Variants in PCDH15 observed in about 807,000 individuals in gnomAD.
The protein encoded by PCDH15 is protocadherin-15.
PCDH15 carries 129 observed loss-of-function variants against 178.5 expected under a neutral mutation model. The ratio of observed to expected loss-of-function variants is 0.72; its 90% confidence interval spans 0.63 to 0.84. The LOEUF (loss-of-function observed/expected upper bound fraction) is 0.84, where lower values mean the gene tolerates loss of function less well. Among genes scored for constraint, PCDH15 ranks in the 40% least tolerant of loss-of-function variants. PCDH15 has a pLI of 0.00. For synonymous variants in PCDH15, 800 were observed against 732.0 expected (o/e 1.09, Z -1.50); for missense variants, 2,230 against 2,099.9 (o/e 1.06, Z -1.21).
chr10:54,683,999 G>T (rs987483175), intron 1 of PCDH15, among the ~76,000 whole-genome samples: 1 of 151,924 alleles, frequency 6.6e-6, no homozygotes, highest in Admixed American at 6.6e-5. Context: ...ATACTAAGAA[G>T]ATTATCATTT....
intron 2 of PCDH15, among the ~76,000 whole-genome samples, chr10:55,391,627 C>T (rs185048037): frequency 7.9e-5 from 12 of 151,970 alleles, no homozygotes; most frequent in Non-Finnish European, 1.3e-4. Flanking sequence ...GTGGGGATTA[C>T]AGGCATGCAC....
intron 1 of PCDH15, among the ~76,000 whole-genome samples, chr10:54,736,017 TAA>T (rs548670191): frequency 6.9e-6 from 1 of 145,376 alleles, no homozygotes; most frequent in East Asian, 2.0e-4. Context: ...AAAGTATAAT[TAA>T]AAAAAAAAAG....
rs57411772 is a variant in PCDH15 at position 54,757,276 on chromosome 10, CTTTTTTTTTTT to C, written c.-29+43638_-29+43648del. 8.8e-5 allele frequency among the ~76,000 whole-genome samples: 3 copies of C among 34,180 alleles called. 1 individual carries two copies. In the South Asian group the frequency reaches 3.1e-3, roughly 36 times the overall value. 22.4% of individuals were successfully genotyped at this position (34,180 alleles called of 152,430 possible). A position where few individuals can be genotyped will look rare whatever the true frequency, so the allele number is the denominator to read the frequency against. On this transcript the variant is annotated intron_variant, in intron 1 of 37. Transcript: ENST00000644397. ...GTTTTTGGCTTGCTCAGAATTCTACCTTTTTTTTTTTTTTTTTTTTTTTTGAGACGGAGTTT... is the reference window on the plus strand; with the variant it reads ...GTTTTTGGCTTGCTCAGAATTCTACCTTTTTTTTTTTTTGAGACGGAGTTT...
intron 2 of PCDH15, among the ~76,000 whole-genome samples, chr10:54,572,527 C>T (rs1029567193): frequency 1.3e-5 from 2 of 152,212 alleles, no homozygotes; most frequent in East Asian, 3.9e-4. Context: ...AATTGTCATT[C>T]CCTGTTCAAA....
intron 8 of PCDH15, among the ~76,000 whole-genome samples, chr10:54,247,816 A>C (rs1041709569): frequency 6.6e-6 from 1 of 150,914 alleles, no homozygotes; most frequent in African/African-American, 2.4e-5. Flanking sequence ...TAATATCTAC[A>C]TTACTTGCAC....
At chr10:53,909,693 A>G (rs763328034) in intron 25 of PCDH15, among the ~76,000 whole-genome samples, 3 of 152,180 alleles carry the variant, frequency 2.0e-5, no homozygotes, top group Non-Finnish European at 4.4e-5. Flanking sequence ...AAGCCAAAGC[A>G]CGGTGGGACA....
intron 8 of PCDH15, among the ~76,000 whole-genome samples, chr10:54,303,306 T>A (rs1005276315): frequency 6.6e-6 from 1 of 151,978 alleles, no homozygotes; most frequent in African/African-American, 2.4e-5. Flanking sequence ...ACCAAAAATA[T>A]TGCAAAAAAT....
intron 3 of PCDH15, among the ~76,000 whole-genome samples, chr10:54,450,389 T>G (rs1428110316): frequency 6.6e-6 from 1 of 151,500 alleles, no homozygotes; most frequent in African/African-American, 2.4e-5. Context: ...AGTGTTTTTT[T>G]GTAATTATTT....
chr10:54,026,112 A>T (rs529342991), intron 18 of PCDH15, among the ~76,000 whole-genome samples: 2 of 150,016 alleles, frequency 1.3e-5, no homozygotes, highest in Non-Finnish European at 3.0e-5. Context: ...TCTGTCACCC[A>T]TGCTGGTGTG....
At chr10:54,607,103 AACTTAT>A (rs1206758306) in intron 2 of PCDH15, 1 of 152,130 alleles carries the variant, frequency 6.6e-6, no homozygotes, top group Admixed American at 6.6e-5. Context: ...TTGTCAAAGT[AACTTAT>A]ACTTAATATT....
chr10:54,784,274 C>T (rs1471340555), intron 1 of PCDH15, among the ~76,000 whole-genome samples: 2 of 150,664 alleles, frequency 1.3e-5, no homozygotes, highest in Non-Finnish European at 1.5e-5. Flanking sequence ...CACTTGTACA[C>T]CTAAAGCTAC....
intron 2 of PCDH15, among the ~76,000 whole-genome samples, chr10:55,582,624 A>ATTTTT (rs1477154346): frequency 1.6e-3 from 100 of 62,236 alleles, no homozygotes; most frequent in South Asian, 3.5e-3. Flanking sequence ...ATATATATAT[A>ATTTTT]TATATTTTTT....
intron 13 of PCDH15, among the ~76,000 whole-genome samples, chr10:54,156,686 C>A (rs1252782767): frequency 6.6e-6 from 1 of 152,212 alleles, no homozygotes; most frequent in Non-Finnish European, 1.5e-5. Context: ...ATCATGCTTT[C>A]TCAACAGTCT....
At chr10:54,137,143 A>G (rs2042976501) in intron 14 of PCDH15, among the ~76,000 whole-genome samples, 1 of 152,216 alleles carries the variant, frequency 6.6e-6, no homozygotes, top group Non-Finnish European at 1.5e-5. Flanking sequence ...CAACAGCATC[A>G]TTTAAGCACT....
chr10:55,164,300 AT>A (rs199642847), intron 2 of PCDH15, among the ~76,000 whole-genome samples: 5,517 of 148,452 alleles, frequency 0.037, 117 homozygotes, highest in Non-Finnish European at 0.049. Flanking sequence ...CATAAAATGT[AT>A]TTTTTTTTTT....
intron 3 of PCDH15, among the ~76,000 whole-genome samples, chr10:54,484,524 G>A (rs1205204273): frequency 6.6e-6 from 1 of 151,808 alleles, no homozygotes; most frequent in Non-Finnish European, 1.5e-5. Flanking sequence ...TACCTCAAAT[G>A]GAAAATTCAC....
chr10:54,294,906 C>A (rs1256824052), intron 8 of PCDH15, among the ~76,000 whole-genome samples: 1 of 152,144 alleles, frequency 6.6e-6, no homozygotes, highest in Non-Finnish European at 1.5e-5. Flanking sequence ...ATATCTGAGA[C>A]ATGCTTCAAG....
At chr10:54,590,111 G>A (rs914343945) in intron 2 of PCDH15, among the ~76,000 whole-genome samples, 15 of 150,626 alleles carry the variant, frequency 1.0e-4, no homozygotes, top group Non-Finnish European at 1.6e-4. Flanking sequence ...AGATTAAAGT[G>A]TTATTAAGGA....
At chr10:54,073,121 ATATATG>A (rs2094277388) in intron 17 of PCDH15, among the ~76,000 whole-genome samples, 1 of 152,048 alleles carries the variant, frequency 6.6e-6, no homozygotes, top group East Asian at 1.9e-4. Context: ...TGTAAAGATT[ATATATG>A]TATGTGTGTA....
Sources: allele counts gnomAD v4.1 joint callset (sites outside exome capture counted in the v4.1 genomes callset), GRCh38; gene constraint gnomAD v4.1.1; transcripts MANE v1.5; gene names NCBI Gene and HGNC (gene_info 2026-07-23, HGNC 2026-07-21).